GAN: variants seen among roughly 807,000 people sequenced by gnomAD.
The protein encoded by GAN is epididymis secretory sperm binding protein.
In GAN, 48 loss-of-function variants were observed where a neutral mutation model predicts 71.3. That is an observed-to-expected ratio of 0.67 (90% CI 0.53 to 0.86). GAN has a LOEUF of 0.86. Among genes scored for constraint, GAN ranks in the 40% least tolerant of loss-of-function variants. The probability of loss-of-function intolerance (pLI) is 0.00; values close to 1 mark genes in which losing one functional copy is unlikely to be tolerated. For synonymous variants in GAN, 386 were observed against 276.8 expected (o/e 1.39, Z -3.92); for missense variants, 928 against 770.1 (o/e 1.21, Z -2.43).
chr16:81,346,022 C>G (rs1336785097), intron 1 of GAN, among the ~76,000 whole-genome samples: 3 of 152,214 alleles, frequency 2.0e-5, no homozygotes, highest in African/African-American at 7.2e-5. Flanking sequence ...TTGGTTGAAC[C>G]TGGGTTACTT....
chr16:81,346,684 G>C (rs926498211), intron 1 of GAN, among the ~76,000 whole-genome samples: 5 of 152,178 alleles, frequency 3.3e-5, no homozygotes, highest in Non-Finnish European at 7.3e-5. Flanking sequence ...AAAGGTTGGG[G>C]ACTGCTGCTC....
chr16:81,327,112 T>C (rs1909416869), intron 1 of GAN, among the ~76,000 whole-genome samples: 2 of 152,246 alleles, frequency 1.3e-5, no homozygotes, highest in African/African-American at 4.8e-5. Flanking sequence ...CGAATTCAAT[T>C]TCTGATGCCA....
intron 1 of GAN, among the ~76,000 whole-genome samples, chr16:81,322,123 C>T (rs555775481): frequency 2.3e-4 from 35 of 152,334 alleles, no homozygotes; most frequent in African/African-American, 7.9e-4. Flanking sequence ...ATTCATTTCT[C>T]TCTGGGAATG....
chr16:81,351,605 C>A lies in GAN; in HGVS notation c.190C>A (p.Pro64Thr), dbSNP rs757976343. The A allele has an allele frequency of 2.0e-6, 3 of 1,511,314 alleles. No individual in the cohort carries two copies. The highest frequency in any genetic ancestry group is 3.3e-5 in the Admixed American group (2 of 59,870). The allele number at this position is 1,511,314 out of a possible 1,614,324, so 93.6% of individuals were successfully genotyped here. ...YIRTKLNYNP[P>T]KDDGSTYKIE... ...TAGGACAAAGTTAAACTATAATCCTCCAAAAGATGATGGATCAACTTATAA... is the reference window on the plus strand; with the variant it reads ...TAGGACAAAGTTAAACTATAATCCTACAAAAGATGATGGATCAACTTATAA... The change falls in exon 2 of 11, where the codon CCA becomes ACA. Residue 64 changes from proline to threonine, a missense_variant. Transcript: ENST00000648994.
chr16:81,317,415 G>A (rs1328972823), intron 1 of GAN, among the ~76,000 whole-genome samples: 1 of 152,206 alleles, frequency 6.6e-6, no homozygotes, highest in Non-Finnish European at 1.5e-5. Flanking sequence ...AGATGACAAG[G>A]CTTCAGCTCA....
intron 9 of GAN, among the ~76,000 whole-genome samples, chr16:81,370,957 A>C (rs922142863): frequency 2.6e-5 from 4 of 151,328 alleles, no homozygotes; most frequent in African/African-American, 9.7e-5. Context: ...ACAGAGCACC[A>C]CTCTAGCTGG....
chr16:81,339,208 C>G (rs1259952341), intron 1 of GAN, among the ~76,000 whole-genome samples: 3 of 152,200 alleles, frequency 2.0e-5, no homozygotes, highest in African/African-American at 7.2e-5. Context: ...CAAAGACAAG[C>G]ACTCAGGCTG....
chr16:81,327,222 G>A (rs560930771), intron 1 of GAN, among the ~76,000 whole-genome samples: 1 of 152,326 alleles, frequency 6.6e-6, no homozygotes, highest in African/African-American at 2.4e-5. Context: ...TAATTGAGAA[G>A]CATTCATTTC....
chr16:81,355,078 G>A (rs1910441292), intron 3 of GAN, among the ~76,000 whole-genome samples: 1 of 152,172 alleles, frequency 6.6e-6, no homozygotes, highest in South Asian at 2.1e-4. Flanking sequence ...CTTGCTCTCA[G>A]CATCCTGACC....
Position 81,328,051 on chromosome 16 carries a change from C to T in GAN, c.167+12771C>T, listed in dbSNP as rs1018325968. Among the ~76,000 whole-genome samples, 3 of 152,172 alleles carry T rather than the reference C, an allele frequency of 2.0e-5. No individual in the cohort carries two copies. The South Asian group carries it at 6.2e-4, about 31-fold the overall frequency. ...CCAGTTGCTGCGTCATCGTTTTAAT[C>T]GTCTTTGAACTCTTAAAATTTTAAC... On this transcript the variant is annotated intron_variant, in intron 1 of 10. Transcript: ENST00000648994.
chr16:81,372,457 A>G (rs1002464157), intron 9 of GAN, among the ~76,000 whole-genome samples: 3 of 152,224 alleles, frequency 2.0e-5, no homozygotes, highest in African/African-American at 7.2e-5. Context: ...ATGATAAATG[A>G]CATGTAAAAC....
At chr16:81,376,915 C>G (rs184986145) in intron 9 of GAN, among the ~76,000 whole-genome samples, 1 of 152,278 alleles carries the variant, frequency 6.6e-6, no homozygotes, top group Non-Finnish European at 1.5e-5. Context: ...TAGAAATAAA[C>G]AGAAATGAAT....
intron 1 of GAN, among the ~76,000 whole-genome samples, chr16:81,322,868 C>G (rs1206978426): frequency 5.3e-5 from 8 of 152,136 alleles, no homozygotes; most frequent in Admixed American, 5.2e-4. Flanking sequence ...ATACTGAAAC[C>G]TCACATTTAG....
At chr16:81,342,064 A>G (rs965515383) in intron 1 of GAN, among the ~76,000 whole-genome samples, 1 of 152,236 alleles carries the variant, frequency 6.6e-6, no homozygotes, top group East Asian at 1.9e-4. Context: ...AAAGGGATCT[A>G]TTCAACAAGA....
In GAN at chr16:81,377,690, G is replaced by T. The variant is rs190213939; in HGVS notation, c.*94G>T. 2.7e-6 allele frequency: 3 copies of T among 1,113,724 alleles called. No homozygotes were observed. In the African/African-American group the frequency reaches 4.6e-5, roughly 17 times the overall value. 69.0% of individuals were successfully genotyped at this position (1,113,724 alleles called of 1,614,324 possible). ...AGAGATGGCAGCTGAAACTCACTCT[G>T]TGCTGGGCTTTGGTATGGTAACTCT... is the stretch of plus-strand genomic sequence containing the variant. On this transcript the variant is annotated 3_prime_UTR_variant, in exon 11 of 11. Coordinates refer to ENST00000648994, the MANE Select transcript of GAN (RefSeq NM_022041.4).
At chr16:81,370,876 G>A (rs1165785225) in intron 9 of GAN, among the ~76,000 whole-genome samples, 2 of 152,062 alleles carry the variant, frequency 1.3e-5, no homozygotes, top group Admixed American at 1.3e-4. Context: ...GCTTCTTCAG[G>A]TAGAATTCTA....
At chr16:81,366,413 C>T (rs2113308) in intron 9 of GAN, among the ~76,000 whole-genome samples, 2,904 of 152,308 alleles carry the variant, frequency 0.019, 81 homozygotes, top group African/African-American at 0.061. Context: ...TTTCCTCACA[C>T]ATTTTATTGT....
At chr16:81,328,443 A>G (rs899951650) in intron 1 of GAN, among the ~76,000 whole-genome samples, 6 of 152,230 alleles carry the variant, frequency 3.9e-5, no homozygotes, top group Non-Finnish European at 7.3e-5. Flanking sequence ...TTGCCATTTA[A>G]TTTGCAGGCT....
intron 1 of GAN, among the ~76,000 whole-genome samples, chr16:81,348,451 A>G (rs1487324788): frequency 6.6e-6 from 1 of 152,140 alleles, no homozygotes; most frequent in East Asian, 1.9e-4. Flanking sequence ...TTAAATATCT[A>G]ATGAGTCCTG....
Sources: gnomAD v4.1 joint callset for allele counts (sites outside exome capture counted in the v4.1 genomes callset) on GRCh38, gnomAD v4.1.1 for gene constraint, MANE v1.5 for transcripts, NCBI Gene and HGNC (gene_info 2026-07-23, HGNC 2026-07-21) for gene names.